The following ATP8A2 variants were observed in gnomAD, a reference collection of about 807,000 sequenced individuals.
ATP8A2 encodes the protein ATPase phospholipid transporting 8A2, also known as phospholipid-transporting ATPase IB.
ATP8A2 carries 100 observed loss-of-function variants against 165.6 expected under a neutral mutation model. The observed-to-expected ratio is 0.60, with a 90% CI of 0.51 to 0.71. The LOEUF is 0.71. ATP8A2 is among the 30% of genes least tolerant of loss of function. The pLI is 0.00. For synonymous variants in ATP8A2, 543 were observed against 548.8 expected (o/e 0.99, Z 0.15); for missense variants, 1,227 against 1,479.5 (o/e 0.83, Z 2.80).
chr13:25,731,546 A>G (rs896175079), intron 25 of ATP8A2, among the ~76,000 whole-genome samples: 8 of 152,190 alleles, frequency 5.3e-5, no homozygotes, highest in Non-Finnish European at 1.0e-4. Flanking sequence ...TTTGGGGTAA[A>G]TGTTGTCCAG....
chr13:25,816,850 T>C (rs763620655), intron 27 of ATP8A2, among the ~76,000 whole-genome samples: 44 of 152,174 alleles, frequency 2.9e-4, no homozygotes, highest in Non-Finnish European at 5.1e-4. Context: ...CTGTGGCTGA[T>C]GGGAATAGAG....
chr13:25,674,913 G>A (rs6650261), intron 24 of ATP8A2, among the ~76,000 whole-genome samples: 151,396 of 152,356 alleles, frequency 0.99, 75,230 homozygotes, highest in Middle Eastern at 1. Context: ...AACATAGCAG[G>A]TTTGCTGGTC....
chr13:25,711,643 C>T (rs1198185796), intron 25 of ATP8A2, among the ~76,000 whole-genome samples: 3 of 152,160 alleles, frequency 2.0e-5, no homozygotes, highest in Middle Eastern at 3.4e-3. Context: ...GGTAGAGGCC[C>T]GTGTAATACT....
At chr13:25,810,906 T>C (rs1057017239) in intron 27 of ATP8A2, among the ~76,000 whole-genome samples, 9 of 152,194 alleles carry the variant, frequency 5.9e-5, no homozygotes, top group African/African-American at 2.2e-4. Flanking sequence ...CAGTTTTTTT[T>C]GGAAAATAAA....
At chr13:25,519,558 C>T (rs781562263) in intron 2 of ATP8A2, among the ~76,000 whole-genome samples, 1 of 152,102 alleles carries the variant, frequency 6.6e-6, no homozygotes, top group African/African-American at 2.4e-5. Flanking sequence ...TCCCGGTCAT[C>T]TTCATGTCAC....
intron 32 of ATP8A2, among the ~76,000 whole-genome samples, chr13:25,861,722 A>G (rs1176458785): frequency 6.6e-6 from 1 of 152,204 alleles, no homozygotes; most frequent in East Asian, 1.9e-4. Flanking sequence ...GAGCTTGCAC[A>G]TGGATTAGAT....
chr13:25,725,698 A>G (rs2043478586), intron 25 of ATP8A2, among the ~76,000 whole-genome samples: 1 of 152,180 alleles, frequency 6.6e-6, no homozygotes, highest in Non-Finnish European at 1.5e-5. Context: ...TTAGCTGTGG[A>G]CATTCTGACC....
intron 30 of ATP8A2, among the ~76,000 whole-genome samples, chr13:25,858,807 C>G (rs951420280): frequency 3.3e-5 from 5 of 152,110 alleles, no homozygotes; most frequent in African/African-American, 1.2e-4. Context: ...CATGTTGTCT[C>G]TTATAAGTCA....
At chr13:25,437,304 T>G (rs568701936) in intron 1 of ATP8A2, among the ~76,000 whole-genome samples, 2 of 152,312 alleles carry the variant, frequency 1.3e-5, no homozygotes, top group South Asian at 2.1e-4. Context: ...AAAGATGCCT[T>G]AAGTCAAATT....
intron 25 of ATP8A2, among the ~76,000 whole-genome samples, chr13:25,745,326 T>C (rs2044007319): frequency 6.6e-6 from 1 of 152,204 alleles, no homozygotes; most frequent in East Asian, 1.9e-4. Context: ...CTTGTTTTCC[T>C]GAAGCTGACA....
chr13:25,857,857 C>A (rs540959531), intron 30 of ATP8A2, among the ~76,000 whole-genome samples: 2 of 152,184 alleles, frequency 1.3e-5, no homozygotes, highest in East Asian at 3.9e-4. Context: ...AGGTGTGAGC[C>A]GCCGCACCCA....
intron 1 of ATP8A2, among the ~76,000 whole-genome samples, chr13:25,387,018 A>G (rs1180138264): frequency 6.6e-6 from 1 of 151,992 alleles, no homozygotes; most frequent in Non-Finnish European, 1.5e-5. Flanking sequence ...AACAAAACAA[A>G]ACAAAAAACA....
At chr13:25,451,348 T>A (rs575881767) in intron 1 of ATP8A2, among the ~76,000 whole-genome samples, 2 of 152,254 alleles carry the variant, frequency 1.3e-5, no homozygotes, top group South Asian at 4.1e-4. Context: ...CAGAAATCAT[T>A]TTCAGCTAGA....
intron 24 of ATP8A2, among the ~76,000 whole-genome samples, chr13:25,676,321 C>T (rs2042371409): frequency 6.6e-6 from 1 of 152,160 alleles, no homozygotes; most frequent in Non-Finnish European, 1.5e-5. Flanking sequence ...GATATTTCTA[C>T]ATTTGCTATC....
At chr13:25,413,432 C>A (rs1358423428) in intron 1 of ATP8A2, among the ~76,000 whole-genome samples, 1 of 151,746 alleles carries the variant, frequency 6.6e-6, no homozygotes, top group Non-Finnish European at 1.5e-5. Flanking sequence ...CAGGCGCCCA[C>A]CCCCACACCT....
chr13:25,602,748 G>A, intron 24 of ATP8A2, among the ~76,000 whole-genome samples: 1 of 152,172 alleles, frequency 6.6e-6, no homozygotes, highest in East Asian at 1.9e-4. Flanking sequence ...TGGAATCTGA[G>A]AAGAGTGACA....
chr13:25,433,270 C>T (rs2034665077), intron 1 of ATP8A2, among the ~76,000 whole-genome samples: 1 of 151,916 alleles, frequency 6.6e-6, no homozygotes, highest in African/African-American at 2.4e-5. Flanking sequence ...TTTTCTTTTC[C>T]TTTTGTTTTG....
chr13:25,654,535 T>C (rs1049671546), intron 24 of ATP8A2, among the ~76,000 whole-genome samples: 2 of 152,164 alleles, frequency 1.3e-5, no homozygotes, highest in African/African-American at 4.8e-5. Context: ...ACAGTTGTTA[T>C]GATGTTAAGT....
Position 25,711,345 on chromosome 13 carries a change from C to T in ATP8A2, c.2384+12000C>T, listed in dbSNP as rs561566659. 2.0e-5 allele frequency among the ~76,000 whole-genome samples: 3 copies of T among 152,178 alleles called. No homozygotes were observed. The East Asian group carries it at 5.8e-4, about 29-fold the overall frequency. On this transcript the variant is annotated intron_variant, in intron 25 of 36. Transcript: ENST00000381655. The stretch of plus-strand genomic sequence containing the variant: ...AATGAACAGTTTCAGGATTTGAACT[C>T]TGGAGTCCATGCTGAGAGACTATTC...
Sources: gnomAD v4.1 joint callset for allele counts (sites outside exome capture counted in the v4.1 genomes callset) on GRCh38, gnomAD v4.1.1 for gene constraint, MANE v1.5 for transcripts, NCBI Gene and HGNC (gene_info 2026-07-23, HGNC 2026-07-21) for gene names.